Variants in ZBTB41 observed in about 807,000 individuals in gnomAD.
ZBTB41 encodes the protein zinc finger and BTB domain containing 41.
A neutral mutation model predicts 87.6 loss-of-function variants in ZBTB41; 42 were observed. That is an observed-to-expected ratio of 0.48 (90% CI 0.37 to 0.62). ZBTB41 has a LOEUF of 0.62. ZBTB41 is among the 20% of genes least tolerant of loss of function. The pLI, the probability that ZBTB41 is intolerant of heterozygous loss-of-function variation, is 0.00. For missense variants in ZBTB41, 799 were observed against 1,078.9 expected (o/e 0.74, Z 3.63); for synonymous variants, 364 against 364.0 (o/e 1.00, Z 0.00).
chr1:197,197,510 C>T (rs1403143629), intron 2 of ZBTB41, among the ~76,000 whole-genome samples: 1 of 111,478 alleles, frequency 9.0e-6, no homozygotes, highest in Non-Finnish European at 1.8e-5. Flanking sequence ...ATTATCTGGG[C>T]TGAACTTGGA....
At chr1:197,166,304 TC>T (rs1557976046) in intron 10 of ZBTB41, among the ~76,000 whole-genome samples, 1 of 152,222 alleles carries the variant, frequency 6.6e-6, no homozygotes, top group East Asian at 1.9e-4. Context: ...AGTGGTTCTT[TC>T]AAAAGCTTAA....
intron 5 of ZBTB41, among the ~76,000 whole-genome samples, chr1:197,187,094 T>G (rs967744436): frequency 6.6e-6 from 1 of 152,126 alleles, no homozygotes; most frequent in Admixed American, 6.5e-5. Flanking sequence ...GTGACAGACA[T>G]TCTCATGGGA....
In ZBTB41 at chr1:197,178,396, G is replaced by A. The variant is rs369156618; in HGVS notation, c.1772+21C>T. Reference sequence around the variant, plus strand: ...TATAATTCTATCTTACTTAATAAAGGGAAAAAATGGTTTTACTTACCTATA... The same window carrying A: ...TATAATTCTATCTTACTTAATAAAGAGAAAAAATGGTTTTACTTACCTATA... On this transcript the variant is annotated intron_variant, in intron 7 of 10. Transcript: ENST00000367405. 6.0e-4 allele frequency: 902 copies of A among 1,505,768 alleles called. 2 individuals carry two copies. Among genetic ancestry groups the A allele is most frequent in the Non-Finnish European group, 6.6e-4 (730 of 1,101,764 alleles). The allele number at this position is 1,505,768 out of a possible 1,614,324, so 93.3% of individuals were successfully genotyped here. A position where few individuals can be genotyped will look rare whatever the true frequency, so the allele number is the denominator to read the frequency against.
At chr1:197,201,125 T>C (rs1652779299) in intron 1 of ZBTB41, among the ~76,000 whole-genome samples, 98 bp downstream of exon 1, 1 of 152,308 alleles carries the variant, frequency 6.6e-6, no homozygotes, top group South Asian at 2.1e-4. Flanking sequence ...AGAAGAGCTT[T>C]CCCAGGCCCG....
chr1:197,167,247 G>A (rs1659369214), intron 10 of ZBTB41, among the ~76,000 whole-genome samples: 1 of 152,158 alleles, frequency 6.6e-6, no homozygotes, highest in Non-Finnish European at 1.5e-5. Flanking sequence ...CCAGGCTGGA[G>A]TGCAGTGGTG....
intron 2 of ZBTB41, among the ~76,000 whole-genome samples, chr1:197,193,610 C>T (rs1660087275): frequency 6.6e-6 from 1 of 152,142 alleles, no homozygotes; most frequent in Non-Finnish European, 1.5e-5. Flanking sequence ...TTCCCCTTGC[C>T]ACTGCTAAAA....
At chr1:197,177,906 C>A (rs973932331) in intron 7 of ZBTB41, among the ~76,000 whole-genome samples, 1 of 152,130 alleles carries the variant, frequency 6.6e-6, no homozygotes. Context: ...TAAAATTGTA[C>A]ACACATTTCA....
At position 197,199,813 on chromosome 1, in the gene ZBTB41, A is replaced by C. The variant is rs1403622286; in HGVS notation, c.661T>G (p.Ser221Ala). 2 of 1,610,874 alleles carry C rather than the reference A, an allele frequency of 1.2e-6. No homozygotes were observed. The highest frequency in any genetic ancestry group is 1.7e-6 in the Non-Finnish European group (2 of 1,178,934). Reference protein sequence around the residue: ...FCSRHFCYKKSLENHLAKTHR... With the variant: ...FCSRHFCYKKALENHLAKTHR... ...GTTTTAGCCAAATGATTCTCTAAAG[A>C]CTTTTTATAACAAAAATGTCTACTA... Residue 221 changes from serine (S) to alanine (A), a missense_variant, in exon 2 of 11, where the codon TCT (serine) becomes GCT (alanine). Physicochemically the swap from Ser to Ala is moderately conservative, Grantham distance 99. Coordinates refer to ENST00000367405, the MANE Select transcript of ZBTB41 (RefSeq NM_194314.3).
rs148528093 is a variant in ZBTB41, at chr1:197,167,891, C to T, written c.2074+4269G>A. Among the ~76,000 whole-genome samples the T allele has an allele frequency of 2.6e-5, 4 of 152,014 alleles. No homozygotes were observed. In the East Asian group the frequency reaches 5.8e-4, roughly 22 times the overall value. ...GATGTGACCAAAGCAATAATGTGAC[C>T]GAAGCAACAAGGTTTACTTCCCAAC... On this transcript the variant is annotated intron_variant, in intron 10 of 10. Coordinates refer to ENST00000367405, the MANE Select transcript of ZBTB41 (RefSeq NM_194314.3).
In ZBTB41 at chr1:197,155,591, C is replaced by T. The variant is rs1328803716; in HGVS notation, c.*3768G>A. 1 of 152,294 alleles carries T rather than the reference C, an allele frequency of 6.6e-6. No homozygotes were observed. Among genetic ancestry groups the T allele is most frequent in the Non-Finnish European group, 1.5e-5 (1 of 67,814 alleles). 9.4% of individuals were successfully genotyped at this position (152,294 alleles called of 1,614,324 possible). On this transcript the variant is annotated 3_prime_UTR_variant, in exon 11 of 11. Coordinates refer to ENST00000367405, the MANE Select transcript of ZBTB41 (RefSeq NM_194314.3). ...CAAGCTTATAAACATATTAGTTTAA[C>T]TGTGTTTTTAATTTGTTTGCAATTA... is the stretch of plus-strand genomic sequence containing the variant.
chr1:197,156,912 C>T lies in ZBTB41; in HGVS notation c.*2447G>A, dbSNP rs187552807. Reference sequence around the variant, plus strand: ...ACTAGTAGCTCTGCCACCTACTGACCATGTGAGCTTAAATGAGTCCTTTTA... The same window carrying T: ...ACTAGTAGCTCTGCCACCTACTGACTATGTGAGCTTAAATGAGTCCTTTTA... On this transcript the variant is annotated 3_prime_UTR_variant, in exon 11 of 11. Coordinates refer to ENST00000367405, the MANE Select transcript of ZBTB41 (RefSeq NM_194314.3). 6 of 152,202 alleles carry T rather than the reference C, an allele frequency of 3.9e-5. No individual in the cohort carries two copies. Among genetic ancestry groups the T allele is most frequent in the African/African-American group, 1.2e-4 (5 of 41,490 alleles). 9.4% of individuals were successfully genotyped at this position (152,202 alleles called of 1,614,324 possible).
rs139903729 is a variant in ZBTB41 at position 197,153,830 on chromosome 1, G to A, written c.*5529C>T. 1.3e-5 allele frequency: 2 copies of A among 152,276 alleles called. No individual in the cohort carries two copies. Among genetic ancestry groups the A allele is most frequent in the Non-Finnish European group, 2.9e-5 (2 of 68,006 alleles). 9.4% of individuals were successfully genotyped at this position (152,276 alleles called of 1,614,324 possible). A position where few individuals can be genotyped will look rare whatever the true frequency, so the allele number is the denominator to read the frequency against. ...AGGAAACATCAGACAACCAAAGTAT[G>A]TATAAAACTCACAAGATATTTTACA... On this transcript the variant is annotated 3_prime_UTR_variant, in exon 11 of 11. Transcript: ENST00000367405.
chr1:197,185,227 T>C (rs1260874480), intron 5 of ZBTB41, among the ~76,000 whole-genome samples: 1 of 152,222 alleles, frequency 6.6e-6, no homozygotes, highest in East Asian at 1.9e-4. Context: ...CCTTGATAGC[T>C]TTATGACATC....
chr1:197,178,565 T>C (rs1421489108), intron 6 of ZBTB41, 53 bp from the exon 7 acceptor site: 6 of 1,303,640 alleles, frequency 4.6e-6, no homozygotes, highest in East Asian at 5.2e-5. Context: ...ATATAGTAAA[T>C]AGATTTCTGG....
At chr1:197,179,682 T>C (rs1342891916) in intron 6 of ZBTB41, among the ~76,000 whole-genome samples, 2 of 152,078 alleles carry the variant, frequency 1.3e-5, no homozygotes, top group African/African-American at 2.4e-5. Flanking sequence ...GACAGTGATA[T>C]TGATGATCCT....
At chr1:197,177,945 A>G (rs2125130887) in intron 7 of ZBTB41, among the ~76,000 whole-genome samples, 1 of 152,254 alleles carries the variant, frequency 6.6e-6, no homozygotes, top group Admixed American at 6.6e-5. Flanking sequence ...TTATTTAGAA[A>G]AAAACTTTTC....
rs200367413 is a variant in ZBTB41 at position 197,199,958 on chromosome 1, C to A, written c.516G>T (p.Lys172Asn). 1 of 1,613,434 alleles carries A rather than the reference C, an allele frequency of 6.2e-7. No homozygotes were observed. The highest frequency in any genetic ancestry group is 2.2e-5 in the East Asian group (1 of 44,874). The part of the protein sequence containing the change: ...AKFLDIIDAV[K>N]LLNNENVAPF... ...GGGCAACATTTTCGTTATTTAACAACTTCACTGCATCTATAATGTCCAAAA... is the reference window on the plus strand; with the variant it reads ...GGGCAACATTTTCGTTATTTAACAAATTCACTGCATCTATAATGTCCAAAA... The change falls in exon 2 of 11, where the codon AAG becomes AAT. Residue 172 changes from lysine to asparagine, a missense_variant. Lys to Asn is a moderately conservative substitution (Grantham distance 94, BLOSUM62 0). This residue lies in a region of ZBTB41 where 294 missense variants were observed against 340.1 expected (regional missense o/e 0.86). Transcript: ENST00000367405.
intron 2 of ZBTB41, among the ~76,000 whole-genome samples, chr1:197,193,769 G>C (rs1660090849): frequency 6.6e-6 from 1 of 152,198 alleles, no homozygotes; most frequent in Admixed American, 6.5e-5. Flanking sequence ...CACTATATGG[G>C]TTTTTAAGTA....
At chr1:197,192,783 C>G (rs1263385114) in intron 2 of ZBTB41, among the ~76,000 whole-genome samples, 1 of 151,860 alleles carries the variant, frequency 6.6e-6, no homozygotes, top group Non-Finnish European at 1.5e-5. Flanking sequence ...CTATGTATAA[C>G]ATGAAAATTA....
Sources: allele counts gnomAD v4.1 joint callset (sites outside exome capture counted in the v4.1 genomes callset), GRCh38; gene constraint gnomAD v4.1.1; regional missense constraint gnomAD v4.1.1; transcripts MANE v1.5; gene names NCBI Gene and HGNC (gene_info 2026-07-23, HGNC 2026-07-21).